Variants in PIKFYVE observed in about 807,000 individuals in gnomAD.
PIKFYVE encodes phosphoinositide kinase, FYVE-type zinc finger containing, also known as 1-phosphatidylinositol 3-phosphate 5-kinase.
PIKFYVE carries 122 observed loss-of-function variants against 257.9 expected under a neutral mutation model. The ratio of observed to expected loss-of-function variants is 0.47; its 90% CI spans 0.41 to 0.55. The LOEUF is 0.55. PIKFYVE is among the 20% of genes least tolerant of loss of function. PIKFYVE has a pLI of 0.00. For missense variants in PIKFYVE, 2,160 were observed against 2,536.6 expected, an observed-to-expected ratio of 0.85 and a Z score of 3.19; for synonymous variants, 892 against 868.9, an observed-to-expected ratio of 1.03 and a Z score of -0.47.
At chr2:208,304,555 CTAA>C (rs1368156294) in intron 11 of PIKFYVE, among the ~76,000 whole-genome samples, 1 of 152,138 alleles carries the variant, frequency 6.6e-6, no homozygotes, top group Non-Finnish European at 1.5e-5. Flanking sequence ...AATAACTGAA[CTAA>C]TAATATGGCA....
rs753331815 is a variant in PIKFYVE, at chr2:208,350,963, C to T, written c.5611+16C>T. On this transcript the variant is annotated intron_variant, in intron 37 of 41. Transcript: ENST00000264380. ...GCAACTGAGGGTGAGCCTTTCTCAT[C>T]GTTTATTGATTGGTTCAGTAGTCTT... 333 of 1,613,830 alleles carry T rather than the reference C, an allele frequency of 2.1e-4. 2 individuals are homozygous for T. The highest frequency in any genetic ancestry group is 2.7e-4 in the Non-Finnish European group (317 of 1,179,926).
At chr2:208,309,836 T>A (rs1390948280) in intron 12 of PIKFYVE, among the ~76,000 whole-genome samples, 1 of 152,202 alleles carries the variant, frequency 6.6e-6, no homozygotes, top group African/African-American at 2.4e-5. Context: ...ACTTCTAAGT[T>A]TTCTTTTAAT....
Position 208,355,291 on chromosome 2 carries a change from G to A in PIKFYVE, c.6283G>A (p.Gly2095Ser), listed in dbSNP as rs541521606. ...LMVPDHWTGL[G>S]LNC ...GGTACCAGACCACTGGACAGGCTTG[G>A]GTCTGAATTGCTGAAATCAAGCACA... is the stretch of plus-strand genomic sequence containing the variant. Residue 2095 changes from glycine (G) to serine (S), a missense_variant, in exon 42 of 42, where the codon GGT becomes AGT. Physicochemically the swap from Gly to Ser is moderately conservative, Grantham distance 56. Around this residue, in one of 12 missense-constraint regions of PIKFYVE, gnomAD observed 38 missense variants for 77.7 expected, o/e 0.49. Transcript: ENST00000264380. 1.2e-4 allele frequency: 196 copies of A among 1,613,344 alleles called. 5 individuals carry two copies. In the South Asian group the frequency reaches 2.1e-3, roughly 17 times the overall value.
chr2:208,329,762 G>A (rs1306773234), intron 21 of PIKFYVE, 80 bp from the exon 22 acceptor site: 1 of 1,570,536 alleles, frequency 6.4e-7, no homozygotes, highest in Non-Finnish European at 8.7e-7. Context: ...CATTTAATAG[G>A]TAATCATAAT....
intron 1 of PIKFYVE, chr2:208,269,621 T>TG (rs1230670082): frequency 7.5e-6 from 2 of 267,782 alleles, no homozygotes; most frequent in Non-Finnish European, 1.5e-5. Flanking sequence ...TCATCACTCT[T>TG]GGGGTTCCCC....
In PIKFYVE at chr2:208,324,102, C is replaced by G. The variant is rs761488134; in HGVS notation, c.2191-40C>G. On this transcript the variant is annotated intron_variant, in intron 17 of 41. Coordinates refer to ENST00000264380, the MANE Select transcript of PIKFYVE (RefSeq NM_015040.4). ...GATATTTTAATATGTCCAGATACTG[C>G]ATTTTACCAGGTGTAATATTTCTGA... The G allele has an allele frequency of 1.1e-5, 17 of 1,599,986 alleles. No homozygotes were observed. The South Asian group carries it at 1.9e-4, about 18-fold the overall frequency.
intron 1 of PIKFYVE, among the ~76,000 whole-genome samples, chr2:208,267,357 A>G (rs1688775104): frequency 6.6e-6 from 1 of 152,152 alleles, no homozygotes; most frequent in Non-Finnish European, 1.5e-5. Context: ...GAGCAAGGCT[A>G]ATTTCCTGTG....
rs564735935 is a variant in PIKFYVE at position 208,351,605 on chromosome 2, C to G, written c.5715+150C>G. ...AAAGAGGTTTATTTGGCTCATAGTT[C>G]TGCAGGCTGTGTATACAAAGCATAG... On this transcript the variant is annotated intron_variant, in intron 38 of 41. Transcript: ENST00000264380. The G allele has an allele frequency of 2.0e-5, 16 of 789,158 alleles. No individual in the cohort carries two copies. In the East Asian group the frequency reaches 2.7e-4, roughly 14 times the overall value. The allele number at this position is 789,158 out of a possible 1,614,324, so 48.9% of individuals were successfully genotyped here. A position where few individuals can be genotyped will look rare whatever the true frequency, so the allele number is the denominator to read the frequency against.
At chr2:208,316,642 C>T (rs1484915141) in intron 15 of PIKFYVE, among the ~76,000 whole-genome samples, 1 of 152,062 alleles carries the variant, frequency 6.6e-6, no homozygotes, top group Non-Finnish European at 1.5e-5. Context: ...CTTTAAAGTT[C>T]GTATGGAACC....
chr2:208,336,803 C>A, intron 27 of PIKFYVE, 35 bp from the exon 28 acceptor site: 1 of 1,409,566 alleles, frequency 7.1e-7, no homozygotes, highest in Non-Finnish European at 1.0e-6. Context: ...TAGAAACAAA[C>A]CATATATATA....
intron 25 of PIKFYVE, 59 bp from the exon 26 acceptor site, chr2:208,335,734 G>C: frequency 7.9e-7 from 1 of 1,267,012 alleles, no homozygotes; most frequent in Non-Finnish European, 1.1e-6. Flanking sequence ...TTCTATTTAT[G>C]TGAGATAGAA....
rs1381694770 is a variant in PIKFYVE, at chr2:208,325,326, A to G, written c.2515A>G (p.Ile839Val). The change falls in exon 20 of 42, where the codon ATC becomes GTC. Residue 839 changes from isoleucine (I) to valine (V), a missense_variant. This residue lies in a region of PIKFYVE where 522 missense variants were observed against 514.6 expected (regional missense o/e 1.01). Transcript: ENST00000264380. The part of the protein sequence containing the change: ...EGCPQHLGCT[I>V]KLRGGSDYEL... ...TTGTCCACAGCACCTAGGCTGTACA[A>G]TCAAGCTAAGAGGAGGCTCTGATTA... 3.7e-6 allele frequency: 6 copies of G among 1,614,022 alleles called. No homozygotes were observed. The highest frequency in any genetic ancestry group is 4.2e-6 in the Non-Finnish European group (5 of 1,180,024).
rs1693638123 is a variant in PIKFYVE, at chr2:208,301,221, T to C, written c.1208+127T>C. On this transcript the variant is annotated intron_variant, in intron 9 of 41. Transcript: ENST00000264380. Reference sequence around the variant, plus strand: ...GCTCTTTGTTTTATGTAATTGATGGTTTAGGGTGCTAATTACTTAACCCTC... The same window carrying C: ...GCTCTTTGTTTTATGTAATTGATGGCTTAGGGTGCTAATTACTTAACCCTC... The C allele has an allele frequency of 5.0e-6, 6 of 1,201,386 alleles. No homozygotes were observed. The East Asian group carries it at 1.5e-4, about 31-fold the overall frequency. The allele number at this position is 1,201,386 out of a possible 1,614,324, so 74.4% of individuals were successfully genotyped here.
chr2:208,330,629 G>T lies in PIKFYVE; in HGVS notation c.3898G>T (p.Asp1300Tyr), dbSNP rs769129757. The part of the protein sequence containing the change: ...GCVQIILKEL[D>Y]SPVPGYQHTI... ...TGTGCAGATAATCCTGAAGGAGTTG[G>T]ATTCTCCAGTACCTGGATATCAGCA... The change falls in exon 23 of 42, where the codon GAT becomes TAT. Residue 1300 changes from aspartate (D) to tyrosine (Y), a missense_variant. Around this residue, in one of 12 missense-constraint regions of PIKFYVE, gnomAD observed 55 missense variants for 103.0 expected, o/e 0.53. Transcript: ENST00000264380. The T allele has an allele frequency of 6.2e-7, 1 of 1,614,126 alleles. No individual in the cohort carries two copies. Among genetic ancestry groups the T allele is most frequent in the Admixed American group, 1.7e-5 (1 of 60,022 alleles).
intron 35 of PIKFYVE, among the ~76,000 whole-genome samples, chr2:208,348,599 A>AGTGGGTGTGTGT (rs1699458444): frequency 7.8e-6 from 1 of 128,986 alleles, no homozygotes; most frequent in Non-Finnish European, 1.6e-5. Context: ...AAAAAAAAAA[A>AGTGGGTGTGTGT]GTGTGTGTGT....
intron 39 of PIKFYVE, 127 bp from the exon 40 acceptor site, chr2:208,353,771 G>A (rs756700951): frequency 8.5e-5 from 95 of 1,112,268 alleles, no homozygotes; most frequent in Non-Finnish European, 1.1e-4. Context: ...TCAATTTTCA[G>A]TTAAACTTTG....
At chr2:208,349,364 CTAAT>C (rs1699545952) in intron 35 of PIKFYVE, among the ~76,000 whole-genome samples, 1 of 151,582 alleles carries the variant, frequency 6.6e-6, no homozygotes, top group South Asian at 2.1e-4. Context: ...TTTTAAATCT[CTAAT>C]AATTAAACAG....
At chr2:208,310,574 A>C (rs979670103) in intron 12 of PIKFYVE, among the ~76,000 whole-genome samples, 1 of 152,282 alleles carries the variant, frequency 6.6e-6, no homozygotes, top group South Asian at 2.1e-4. Context: ...GGTGAAAATC[A>C]CGGCTTCCGT....
At chr2:208,312,118 G>T (rs1051162163) in intron 12 of PIKFYVE, 118 bp from the exon 13 acceptor site, 12 of 770,824 alleles carry the variant, frequency 1.6e-5, no homozygotes, top group Non-Finnish European at 2.2e-5. Flanking sequence ...GGGCAGTGAT[G>T]GGTTTAGTAT....
Sources: allele counts gnomAD v4.1 joint callset (sites outside exome capture counted in the v4.1 genomes callset), GRCh38; gene constraint gnomAD v4.1.1; regional missense constraint gnomAD v4.1.1; transcripts MANE v1.5; gene names NCBI Gene and HGNC (gene_info 2026-07-23, HGNC 2026-07-21).